The following CADPS variants were observed in gnomAD, a reference collection of about 807,000 sequenced individuals.
CADPS encodes calcium dependent secretion activator.
Under a neutral mutation model 167.3 loss-of-function variants are expected in CADPS, and 57 were observed. The observed-to-expected ratio is 0.34, with a 90% CI of 0.28 to 0.42. The LOEUF is 0.42. CADPS is among the 20% of genes least tolerant of loss of function. CADPS has a pLI of 1.00. For synonymous variants in CADPS, 676 were observed against 635.3 expected, an observed-to-expected ratio of 1.06 and a Z score of -0.96; for missense variants, 1,414 against 1,738.1, an observed-to-expected ratio of 0.81 and a Z score of 3.32.
chr3:62,775,140 C>T (rs529175109), intron 1 of CADPS, among the ~76,000 whole-genome samples: 205 of 152,006 alleles, frequency 1.3e-3, no homozygotes, highest in African/African-American at 4.5e-3. Context: ...CAGGTTCAAG[C>T]GATTCTCATA....
chr3:62,850,574 T>C (rs1209349126), intron 1 of CADPS, among the ~76,000 whole-genome samples: 4 of 138,466 alleles, frequency 2.9e-5, no homozygotes, highest in East Asian at 2.0e-4. Flanking sequence ...TTCTATGTAG[T>C]TGAGCGGCTT....
intron 22 of CADPS, 83 bp downstream of exon 22, chr3:62,481,640 T>C (rs2062025055): frequency 1.6e-6 from 2 of 1,233,558 alleles, no homozygotes; most frequent in Non-Finnish European, 2.2e-6. Context: ...CTCTGTTATA[T>C]AGGATGTATA....
intron 5 of CADPS, 38 bp from the exon 6 acceptor site, chr3:62,645,881 AG>A (rs779979555): frequency 4.3e-6 from 7 of 1,612,116 alleles, no homozygotes; most frequent in Non-Finnish European, 5.1e-6. Flanking sequence ...GTTATTGGCA[AG>A]GCCCCTGGCA....
At chr3:62,645,913 C>T in intron 5 of CADPS, 70 bp from the exon 6 acceptor site, 1 of 1,571,272 alleles carries the variant, frequency 6.4e-7, no homozygotes, top group Admixed American at 1.7e-5. Flanking sequence ...GAGGAAAATA[C>T]ACAAATGAGA....
Position 62,536,876 on chromosome 3 carries a change from C to T in CADPS, c.1967-295G>A, listed in dbSNP as rs550256359. 2.2e-3 allele frequency among the ~76,000 whole-genome samples: 328 copies of T among 152,250 alleles called. 1 individual carries two copies. The highest frequency in any genetic ancestry group is 7.5e-3 in the African/African-American group (312 of 41,580). On this transcript the variant is annotated intron_variant, in intron 11 of 29. Transcript: ENST00000383710. ...AAAACTAAGCATAAGACCGTAACTT[C>T]GCCTGCATTTCACCAAACACTGAAA...
chr3:62,869,685 T>TA (rs2082284422), intron 1 of CADPS, among the ~76,000 whole-genome samples: 1 of 152,150 alleles, frequency 6.6e-6, no homozygotes, highest in Admixed American at 6.6e-5. Flanking sequence ...TCTTCCAAAC[T>TA]AGAAGCTCCC....
In CADPS at chr3:62,794,792, A is replaced by AAAAAAAAG. The variant is rs1553689722; in HGVS notation, c.442-28809_442-28808insCTTTTTTT. On this transcript the variant is annotated intron_variant, in intron 1 of 29. Coordinates refer to ENST00000383710, the MANE Select transcript of CADPS (RefSeq NM_003716.4). ...ACGCAAGGTGGTAAAAAAAAAAAAA[A>AAAAAAAAG]AAAAAAAAAAATGCAAGAGCTCTTC... Among the ~76,000 whole-genome samples, 15 of 147,526 alleles carry AAAAAAAAG rather than the reference A, an allele frequency of 1.0e-4. 1 individual carries two copies. Among genetic ancestry groups the AAAAAAAAG allele is most frequent in the African/African-American group, 3.7e-4 (14 of 37,528 alleles).
rs180879248 is a variant in CADPS, at chr3:62,522,308, T to C, written c.2292-4058A>G. ...CATGCCACCATATCTTTTAATTTTG[T>C]TTTAATTTTCTTCAGACACAAGGTC... On this transcript the variant is annotated intron_variant, in intron 13 of 29. Transcript: ENST00000383710. Among the ~76,000 whole-genome samples the C allele has an allele frequency of 4.4e-3, 664 of 152,208 alleles. 1 individual carries two copies. Among genetic ancestry groups the C allele is most frequent in the Admixed American group, 8.7e-3 (133 of 15,288 alleles).
At chr3:62,528,406 GCACTT>G (rs2072829778) in intron 13 of CADPS, among the ~76,000 whole-genome samples, 1 of 152,156 alleles carries the variant, frequency 6.6e-6, no homozygotes, top group South Asian at 2.1e-4. Flanking sequence ...TATATCAACA[GCACTT>G]CACTTAGTGC....
At chr3:62,663,991 T>C (rs2135582) in intron 3 of CADPS, among the ~76,000 whole-genome samples, 114,888 of 152,100 alleles carry the variant, frequency 0.76, 43,464 homozygotes, top group East Asian at 0.88. Flanking sequence ...ATTTGTTAGA[T>C]TTTGACCAAC....
At chr3:62,859,486 T>C (rs2080349857) in intron 1 of CADPS, among the ~76,000 whole-genome samples, 2 of 152,166 alleles carry the variant, frequency 1.3e-5, no homozygotes, top group Admixed American at 1.3e-4. Flanking sequence ...TTGGACTAAA[T>C]GGCAAATCTA....
intron 8 of CADPS, among the ~76,000 whole-genome samples, chr3:62,576,697 A>G (rs553057412): frequency 6.8e-6 from 1 of 147,348 alleles, no homozygotes; most frequent in Non-Finnish European, 1.5e-5. Context: ...AGGCTGAGGT[A>G]CGAGAATCAG....
intron 1 of CADPS, among the ~76,000 whole-genome samples, chr3:62,823,324 A>C (rs1394952941): frequency 6.6e-6 from 1 of 152,134 alleles, no homozygotes; most frequent in Admixed American, 6.6e-5. Context: ...GGAAAAATAT[A>C]TTTTTAGGCA....
At chr3:62,462,952 A>T (rs2059540117) in intron 26 of CADPS, among the ~76,000 whole-genome samples, 1 of 152,180 alleles carries the variant, frequency 6.6e-6, no homozygotes, top group Non-Finnish European at 1.5e-5. Flanking sequence ...GCTGCAAATG[A>T]TAAGTGGGTG....
chr3:62,476,082 C>T (rs2061284577), intron 23 of CADPS, among the ~76,000 whole-genome samples: 1 of 152,102 alleles, frequency 6.6e-6, no homozygotes. Context: ...GTTTTGTGTT[C>T]AGCACAAGTA....
intron 3 of CADPS, among the ~76,000 whole-genome samples, chr3:62,685,718 G>A (rs1208426492): frequency 1.6e-4 from 1 of 6,382 alleles, no homozygotes; most frequent in African/African-American, 6.5e-4. Flanking sequence ...GGATGGTTTC[G>A]GGATGAAACT....
intron 6 of CADPS, among the ~76,000 whole-genome samples, chr3:62,603,852 A>G (rs1477992509): frequency 2.0e-5 from 3 of 151,458 alleles, no homozygotes; most frequent in African/African-American, 7.3e-5. Context: ...TTTGAGACAG[A>G]GTCTCGCTCT....
At chr3:62,659,763 T>C (rs551598570) in intron 4 of CADPS, among the ~76,000 whole-genome samples, 27 of 152,294 alleles carry the variant, frequency 1.8e-4, no homozygotes, top group African/African-American at 5.8e-4. Flanking sequence ...TGCTTCCACC[T>C]GGGTGAAGAA....
intron 9 of CADPS, among the ~76,000 whole-genome samples, chr3:62,560,359 G>A (rs1949147): frequency 0.8 from 121,989 of 151,850 alleles, 49,266 homozygotes; most frequent in Middle Eastern, 0.88. Context: ...TTCCTCTGTC[G>A]TAGTAGAATT....
Sources: allele counts gnomAD v4.1 joint callset (sites outside exome capture counted in the v4.1 genomes callset), GRCh38; gene constraint gnomAD v4.1.1; transcripts MANE v1.5; gene names NCBI Gene and HGNC (gene_info 2026-07-23, HGNC 2026-07-21).